The following ABCC6 variants were observed in gnomAD, a reference collection of about 807,000 sequenced individuals.
ABCC6 encodes the protein ATP-binding cassette sub-family C member 6.
In ABCC6, 126 loss-of-function variants were observed where a neutral mutation model predicts 169.5. The observed-to-expected ratio is 0.74, with a 90% CI of 0.64 to 0.86. The LOEUF is 0.86. ABCC6 is among the 40% of genes least tolerant of loss of function. The pLI is 0.00. For synonymous variants in ABCC6, 752 were observed against 814.7 expected (o/e 0.92, Z 1.31); for missense variants, 1,733 against 1,927.2 (o/e 0.90, Z 1.89).
At chr16:16,164,713 C>T (rs2046824383) in intron 23 of ABCC6, among the ~76,000 whole-genome samples, 2 of 152,166 alleles carry the variant, frequency 1.3e-5, no homozygotes, top group South Asian at 2.1e-4. Flanking sequence ...ATCAGAATTA[C>T]TTGGAGGGTT....
chr16:16,161,417 G>T lies in ABCC6; in HGVS notation c.3633+21C>A, dbSNP rs145287071. 5.8e-5 allele frequency: 94 copies of T among 1,613,642 alleles called. 1 individual carries two copies. In the African/African-American group the frequency reaches 9.3e-4, roughly 16 times the overall value. The stretch of plus-strand genomic sequence containing the variant: ...TGCCTCTGTCTGTCCCTCAAGCCCA[G>T]TTTGGGGATGTGGGGAGTACCTGGA... On this transcript the variant is annotated intron_variant, in intron 25 of 30. Coordinates refer to ENST00000205557, the MANE Select transcript of ABCC6 (RefSeq NM_001171.6).
chr16:16,176,189 A>G (rs212622), intron 19 of ABCC6, among the ~76,000 whole-genome samples: 14,282 of 152,174 alleles, frequency 0.094, 786 homozygotes, highest in East Asian at 0.24. Flanking sequence ...CATTTCTTCA[A>G]TCAGTGATAA....
At chr16:16,166,341 G>A (rs929078025) in intron 22 of ABCC6, among the ~76,000 whole-genome samples, 5 of 151,930 alleles carry the variant, frequency 3.3e-5, no homozygotes, top group South Asian at 2.1e-4. Context: ...GAGCCACTGC[G>A]CCTGTACCCT....
At chr16:16,151,988 C>T (rs898371475) in intron 29 of ABCC6, among the ~76,000 whole-genome samples, 2 of 151,666 alleles carry the variant, frequency 1.3e-5, no homozygotes, top group Non-Finnish European at 2.9e-5. Flanking sequence ...ATCAGGAGAT[C>T]GAGACCATCC....
chr16:16,162,371 A>G (rs1464154173), intron 24 of ABCC6, among the ~76,000 whole-genome samples: 1 of 152,208 alleles, frequency 6.6e-6, no homozygotes, highest in Non-Finnish European at 1.5e-5. Context: ...GAGACCCTGG[A>G]CAAGTTTCCA....
rs760935787 is a variant in ABCC6, at chr16:16,198,057, G to A, written c.1302C>T (p.Leu434=). The A allele has an allele frequency of 2.0e-5, 32 of 1,613,968 alleles. No individual in the cohort carries two copies. Among genetic ancestry groups the A allele is most frequent in the African/African-American group, 5.3e-5 (4 of 74,910 alleles). ...VLYLNGLWLP[L]VWIVVCFVYL... The stretch of plus-strand genomic sequence containing the variant: ...AGACGAAGCAGACCACGATCCAGAC[G>A]AGAGGCAGCCACAGCCCGTTGAGGT... The change falls in exon 10 of 31, where the codon CTC becomes CTT. Residue 434 remains leucine (L), a synonymous_variant. Coordinates refer to ENST00000205557, the MANE Select transcript of ABCC6 (RefSeq NM_001171.6).
At chr16:16,188,496 G>T (rs1483717448) in intron 13 of ABCC6, among the ~76,000 whole-genome samples, 1 of 152,306 alleles carries the variant, frequency 6.6e-6, no homozygotes, top group South Asian at 2.1e-4. Flanking sequence ...GATAGCAAAG[G>T]AAGAGAAACA....
intron 20 of ABCC6, among the ~76,000 whole-genome samples, 195 bp from the exon 21 acceptor site, chr16:16,173,599 A>ATC (rs962738869): frequency 1.3e-5 from 2 of 152,128 alleles, no homozygotes; most frequent in Non-Finnish European, 2.9e-5. Context: ...GCTAAATGCC[A>ATC]TCTATTACCC....
At chr16:16,184,193 C>T (rs212073) in intron 15 of ABCC6, 62,226 of 128,382 alleles carry the variant, frequency 0.48, 15,751 homozygotes, top group Non-Finnish European at 0.54. Context: ...AGCAAGACTC[C>T]GTTTCAAAAA....
At chr16:16,216,889 T>C (rs2048897336) in intron 4 of ABCC6, among the ~76,000 whole-genome samples, 1 of 148,914 alleles carries the variant, frequency 6.7e-6, no homozygotes, top group South Asian at 2.2e-4. Flanking sequence ...CATGCTAGAA[T>C]GTAAGTGTGA....
intron 12 of ABCC6, 108 bp downstream of exon 12, chr16:16,190,056 T>G: frequency 8.4e-7 from 1 of 1,195,562 alleles, no homozygotes; most frequent in East Asian, 2.4e-5. Context: ...TGAGTGGGTT[T>G]TGATGGACGG....
chr16:16,171,196 G>T (rs6498612), intron 21 of ABCC6, among the ~76,000 whole-genome samples: 148,373 of 151,856 alleles, frequency 0.98, 72,581 homozygotes, highest in Middle Eastern at 1. Context: ...AACCATGGTA[G>T]GGTTTCTCAG....
Position 16,192,908 on chromosome 16 carries a change from G to A in ABCC6, c.1353C>T (p.Ser451=), listed in dbSNP as rs57546826. 354 of 1,614,110 alleles carry A rather than the reference G, an allele frequency of 2.2e-4. 2 individuals carry two copies. The African/African-American group carries it at 3.1e-3, about 14-fold the overall frequency. The change falls in exon 11 of 31, where the codon TCC becomes TCT. Residue 451 remains serine, a synonymous_variant. Transcript: ENST00000205557. The part of the protein sequence containing the change: ...FVYLWQLLGP[S]ALTAIAVFLS... ...GGAAGACAGCGATGGCAGTGAGGGC[G>A]GAGGGCCCCAGGAGCTGGGGATAGA...
At chr16:16,173,493 T>C in intron 20 of ABCC6, 89 bp from the exon 21 acceptor site, 1 of 1,517,492 alleles carries the variant, frequency 6.6e-7, no homozygotes, top group South Asian at 1.1e-5. Context: ...TGACAGCCAC[T>C]GAGCTCTGGG....
At chr16:16,208,265 G>C (rs983309035) in intron 7 of ABCC6, among the ~76,000 whole-genome samples, 3 of 152,218 alleles carry the variant, frequency 2.0e-5, no homozygotes, top group African/African-American at 7.2e-5. Flanking sequence ...AGTGGGATCA[G>C]CTGGAAGGCA....
At position 16,190,202 on chromosome 16, in the gene ABCC6, A is replaced by AGAAGAGGAG; in HGVS notation, c.1588_1596dup (p.Leu530_Phe532dup). ...ACTTGGAAGGACACCAGCGACACAG[A>AGAAGAGGAG]GAAGAGGAGGCCGGAGGTCCGCAAG... On this transcript the variant is annotated inframe_insertion, in exon 12 of 31. Coordinates refer to ENST00000205557, the MANE Select transcript of ABCC6 (RefSeq NM_001171.6). 1 of 1,614,012 alleles carries AGAAGAGGAG rather than the reference A, an allele frequency of 6.2e-7. No homozygotes were observed. The highest frequency in any genetic ancestry group is 1.1e-5 in the South Asian group (1 of 91,048).
At chr16:16,188,265 G>A (rs2047721200) in intron 13 of ABCC6, among the ~76,000 whole-genome samples, 1 of 151,460 alleles carries the variant, frequency 6.6e-6, no homozygotes, top group African/African-American at 2.4e-5. Flanking sequence ...GGTTGTGCAT[G>A]CCTGTGGTCC....
intron 17 of ABCC6, among the ~76,000 whole-genome samples, chr16:16,179,537 C>A (rs904165648): frequency 6.6e-6 from 1 of 151,954 alleles, no homozygotes; most frequent in Admixed American, 6.6e-5. Flanking sequence ...GGTTTCAGGA[C>A]GATTCAAGCA....
At position 16,178,779 on chromosome 16, in the gene ABCC6, C is replaced by A; in HGVS notation, c.2415+19G>T. The A allele has an allele frequency of 4.3e-6, 7 of 1,613,846 alleles. No homozygotes were observed. The highest frequency in any genetic ancestry group is 5.9e-6 in the Non-Finnish European group (7 of 1,179,992). ...TCTGCCTTTGCCCTGTACTGTCTGA[C>A]ACATGTTCCCAAACTTACTGTTCCC... On this transcript the variant is annotated intron_variant, in intron 18 of 30. Coordinates refer to ENST00000205557, the MANE Select transcript of ABCC6 (RefSeq NM_001171.6).
Sources: allele counts gnomAD v4.1 joint callset (sites outside exome capture counted in the v4.1 genomes callset), GRCh38; gene constraint gnomAD v4.1.1; transcripts MANE v1.5; gene names NCBI Gene and HGNC (gene_info 2026-07-23, HGNC 2026-07-21).